Variants in MAPKAP1 observed in about 807,000 individuals in gnomAD.
MAPKAP1 encodes target of rapamycin complex 2 subunit MAPKAP1.
MAPKAP1 carries 20 observed loss-of-function variants against 65.7 expected under a neutral mutation model. The observed-to-expected ratio is 0.30, with a 90% CI of 0.21 to 0.44. MAPKAP1 has a LOEUF of 0.44. Ranked by LOEUF, MAPKAP1 falls within the 20% of genes least tolerant of loss-of-function variation. MAPKAP1 has a pLI of 1.00. For synonymous variants in MAPKAP1, 222 were observed against 244.3 expected (o/e 0.91, Z 0.85); for missense variants, 423 against 648.0 (o/e 0.65, Z 3.77).
chr9:125,486,736 T>C, intron 8 of MAPKAP1, among the ~76,000 whole-genome samples: 1 of 152,174 alleles, frequency 6.6e-6, no homozygotes. Context: ...TGAGTGCCTC[T>C]GGCAGAATCC....
In MAPKAP1 at chr9:125,506,470, A is replaced by C. The variant is rs1829146433; in HGVS notation, c.959-53T>G. 10 of 1,438,508 alleles carry C rather than the reference A, an allele frequency of 7.0e-6. No homozygotes were observed. The South Asian group carries it at 1.1e-4, about 16-fold the overall frequency. The allele number at this position is 1,438,508 out of a possible 1,614,324, so 89.1% of individuals were successfully genotyped here. ...GGAGGAAGTCTGAAACAGCGAATTT[A>C]ACATTTAAAAAACACCACATACTGG... On this transcript the variant is annotated intron_variant, in intron 7 of 11. Coordinates refer to ENST00000265960, the MANE Select transcript of MAPKAP1 (RefSeq NM_001006617.3).
intron 9 of MAPKAP1, among the ~76,000 whole-genome samples, chr9:125,468,807 A>G (rs1035135997): frequency 6.6e-6 from 1 of 152,248 alleles, no homozygotes; most frequent in Admixed American, 6.5e-5. Context: ...TTTACGCAAC[A>G]GGAATCCAGA....
intron 4 of MAPKAP1, among the ~76,000 whole-genome samples, chr9:125,644,810 C>T (rs939025276): frequency 6.6e-6 from 1 of 152,208 alleles, no homozygotes; most frequent in African/African-American, 2.4e-5. Context: ...CCTATTCTTG[C>T]TGTCTCATTT....
In MAPKAP1 at chr9:125,598,927, A is replaced by G. The variant is rs113471344; in HGVS notation, c.499-13200T>C. Among the ~76,000 whole-genome samples, 481 of 151,470 alleles carry G rather than the reference A, an allele frequency of 3.2e-3. 2 individuals are homozygous for G. Among genetic ancestry groups the G allele is most frequent in the Non-Finnish European group, 5.5e-3 (371 of 67,856 alleles). ...TGGTGGCAGGCACCTGTACTCCCAG[A>G]TACTCGAGAGGCTGAGGCAGGAGAA... On this transcript the variant is annotated intron_variant, in intron 4 of 11. Transcript: ENST00000265960.
At chr9:125,537,025 A>G (rs1019948422) in intron 7 of MAPKAP1, among the ~76,000 whole-genome samples, 2 of 152,252 alleles carry the variant, frequency 1.3e-5, no homozygotes, top group African/African-American at 4.8e-5. Context: ...TCGTGCATTT[A>G]GATCTCAGAA....
intron 6 of MAPKAP1, among the ~76,000 whole-genome samples, chr9:125,546,908 TC>T (rs1451519770): frequency 6.6e-6 from 1 of 151,994 alleles, no homozygotes; most frequent in Admixed American, 6.6e-5. Context: ...CAACCTGTTT[TC>T]CCCCAGAGCA....
At chr9:125,699,137 A>T (rs1835521128) in intron 1 of MAPKAP1, among the ~76,000 whole-genome samples, 1 of 152,202 alleles carries the variant, frequency 6.6e-6, no homozygotes, top group Non-Finnish European at 1.5e-5. Flanking sequence ...GATAAGACAC[A>T]AGTCTAAACA....
At chr9:125,542,869 G>T (rs937342236) in intron 7 of MAPKAP1, 190 bp downstream of exon 7, 7 of 740,962 alleles carry the variant, frequency 9.4e-6, no homozygotes, top group Non-Finnish European at 1.7e-5. Context: ...CACATATGCC[G>T]CTGACCCAGT....
chr9:125,506,191 G>C, intron 8 of MAPKAP1, 119 bp downstream of exon 8: 2 of 830,836 alleles, frequency 2.4e-6, no homozygotes, highest in South Asian at 2.8e-5. Context: ...AGTCTGCCTT[G>C]GAAAACAGTC....
At chr9:125,608,553 T>C (rs1207214328) in intron 4 of MAPKAP1, among the ~76,000 whole-genome samples, 3 of 152,220 alleles carry the variant, frequency 2.0e-5, no homozygotes, top group Admixed American at 2.0e-4. Context: ...AAGAAGATAT[T>C]TGTACTAAGT....
At chr9:125,445,955 C>T (rs10115550) in intron 10 of MAPKAP1, among the ~76,000 whole-genome samples, 6,632 of 152,258 alleles carry the variant, frequency 0.044, 485 homozygotes, top group African/African-American at 0.14. Context: ...TCCTGCAAAA[C>T]GCCCAGAAAT....
chr9:125,686,724 C>T lies in MAPKAP1; in HGVS notation c.-69-14081G>A, dbSNP rs116366091. ...GAGGTACGAGGAATCTCTTTTTTGA[C>T]GAAGAATTGTAATAGTATCAAGATG... On this transcript the variant is annotated intron_variant, in intron 1 of 11. Transcript: ENST00000265960. Among the ~76,000 whole-genome samples the T allele has an allele frequency of 4.1e-3, 627 of 152,252 alleles. 6 individuals carry two copies. The highest frequency in any genetic ancestry group is 0.014 in the African/African-American group (601 of 41,538).
At chr9:125,583,039 C>G (rs1383817995) in intron 5 of MAPKAP1, among the ~76,000 whole-genome samples, 5 of 152,178 alleles carry the variant, frequency 3.3e-5, no homozygotes, top group African/African-American at 4.8e-5. Flanking sequence ...TAATGGACTC[C>G]TAGCACACTC....
chr9:125,476,977 C>T (rs780970464), intron 9 of MAPKAP1, among the ~76,000 whole-genome samples: 8 of 152,136 alleles, frequency 5.3e-5, no homozygotes, highest in Non-Finnish European at 8.8e-5. Context: ...GCTGATGAGA[C>T]GAAACCTTTT....
At chr9:125,545,026 C>G (rs1390714285) in intron 6 of MAPKAP1, among the ~76,000 whole-genome samples, 1 of 152,220 alleles carries the variant, frequency 6.6e-6, no homozygotes, top group Non-Finnish European at 1.5e-5. Flanking sequence ...AAAGCCGATG[C>G]TGGTCTGGCC....
intron 4 of MAPKAP1, chr9:125,651,971 T>C (rs1278398306): frequency 4.0e-6 from 2 of 496,990 alleles, no homozygotes; most frequent in Non-Finnish European, 5.7e-6. Context: ...CATTTTTTTT[T>C]CTTTGGGAAA....
In MAPKAP1 at chr9:125,487,596, A is replaced by G. The variant is rs1292096291; in HGVS notation, c.1067-3013T>C. 4.1e-5 allele frequency among the ~76,000 whole-genome samples: 6 copies of G among 145,276 alleles called. 1 individual carries two copies. Among genetic ancestry groups the G allele is most frequent in the Non-Finnish European group, 9.0e-5 (6 of 66,934 alleles). ...ATTTGGAAAGAGGTAACAGCTCATT[A>G]TGCTAAAATGCCAATTACTAAAAAA... On this transcript the variant is annotated intron_variant, in intron 8 of 11. Coordinates refer to ENST00000265960, the MANE Select transcript of MAPKAP1 (RefSeq NM_001006617.3).
intron 4 of MAPKAP1, among the ~76,000 whole-genome samples, chr9:125,604,190 C>T (rs1832382520): frequency 6.6e-6 from 1 of 152,140 alleles, no homozygotes; most frequent in Non-Finnish European, 1.5e-5. Flanking sequence ...GAAAATTTAA[C>T]CCAGTAATTC....
chr9:125,680,701 T>C (rs79315032), intron 1 of MAPKAP1, among the ~76,000 whole-genome samples: 1 of 152,224 alleles, frequency 6.6e-6, no homozygotes, highest in South Asian at 2.1e-4. Context: ...CACAAAATCA[T>C]CTCAGCACTA....
Sources: allele counts gnomAD v4.1 joint callset (sites outside exome capture counted in the v4.1 genomes callset), GRCh38; gene constraint gnomAD v4.1.1; transcripts MANE v1.5; gene names NCBI Gene and HGNC (gene_info 2026-07-23, HGNC 2026-07-21).